Variants in PCDHA6 observed in about 807,000 individuals in gnomAD.
PCDHA6 encodes the protein protocadherin alpha-6.
Under a neutral mutation model 60.3 loss-of-function variants are expected in PCDHA6, and 55 were observed. That is an observed-to-expected ratio of 0.91 (90% CI 0.73 to 1.14). The LOEUF is 1.14. PCDHA6 is among the 50% of genes most tolerant of loss of function. The pLI, the probability that PCDHA6 is intolerant of heterozygous loss-of-function variation, is 0.00. For missense variants in PCDHA6, 1,327 were observed against 1,256.5 expected, an observed-to-expected ratio of 1.06 and a Z score of -0.85; for synonymous variants, 652 against 557.9, an observed-to-expected ratio of 1.17 and a Z score of -2.38.
intron 1 of PCDHA6, chr5:140,884,130 C>T (rs1554181258): frequency 3.1e-6 from 5 of 1,613,434 alleles, no homozygotes; most frequent in Non-Finnish European, 3.4e-6. Flanking sequence ...GCGCGCATCC[C>T]GTTCCGCGTG....
intron 1 of PCDHA6, chr5:140,884,195 C>T: frequency 6.2e-7 from 1 of 1,613,394 alleles, no homozygotes; most frequent in Non-Finnish European, 8.5e-7. Flanking sequence ...GGTGGACGCG[C>T]CGCACCACCG....
At chr5:140,875,903 A>G in intron 1 of PCDHA6, 1 of 1,614,184 alleles carries the variant, frequency 6.2e-7, no homozygotes, top group Non-Finnish European at 8.5e-7. Context: ...CCTGTTTCTG[A>G]ATCTGCGCCT....
chr5:140,877,707 G>A, intron 1 of PCDHA6: 2 of 1,614,062 alleles, frequency 1.2e-6, no homozygotes, highest in Non-Finnish European at 1.7e-6. Flanking sequence ...CCAGCGCCGT[G>A]GGGAGTTGGT....
At chr5:140,848,736 A>G (rs1339313623) in intron 1 of PCDHA6, 1 of 1,592,708 alleles carries the variant, frequency 6.3e-7, no homozygotes. Context: ...AAATCTGCAG[A>G]ATGGCATTTT....
chr5:140,928,550 C>A (rs781857799), intron 1 of PCDHA6: 1 of 1,614,160 alleles, frequency 6.2e-7, no homozygotes, highest in South Asian at 1.1e-5. Flanking sequence ...GACAATTATC[C>A]GGTTATCTTG....
At chr5:140,943,592 T>C (rs900549060) in intron 1 of PCDHA6, among the ~76,000 whole-genome samples, 2 of 152,152 alleles carry the variant, frequency 1.3e-5, no homozygotes, top group African/African-American at 2.4e-5. Flanking sequence ...TGGGGCTGAA[T>C]TCTAAATATA....
At chr5:140,856,942 G>A (rs781940181) in intron 1 of PCDHA6, 5 of 1,593,170 alleles carry the variant, frequency 3.1e-6, no homozygotes, top group Admixed American at 3.4e-5. Context: ...ACGAAAGGAC[G>A]GGAGAAATAA....
At chr5:141,005,527 C>A (rs1448254191) in intron 3 of PCDHA6, among the ~76,000 whole-genome samples, 1 of 151,230 alleles carries the variant, frequency 6.6e-6, no homozygotes, top group Non-Finnish European at 1.5e-5. Context: ...CACGGTGAAA[C>A]CCCGTCTCTA....
intron 1 of PCDHA6, chr5:140,877,387 G>A: frequency 6.2e-7 from 1 of 1,614,010 alleles, no homozygotes; most frequent in Non-Finnish European, 8.5e-7. Flanking sequence ...CATCCTGGAT[G>A]AGGCGGACGC....
rs1399480801 is a variant in PCDHA6, at chr5:140,951,947, C to T, written c.2395-27002C>T. On this transcript the variant is annotated intron_variant, in intron 1 of 3. Transcript: ENST00000529310. ...TTACTCCCAAGATACAGTGCGGGTA[C>T]AGGCATTGGGTAAATACTCCTGTTC... is the stretch of plus-strand genomic sequence containing the variant. 5.3e-5 allele frequency among the ~76,000 whole-genome samples: 8 copies of T among 152,250 alleles called. No individual in the cohort carries two copies. In the East Asian group the frequency reaches 1.5e-3, roughly 29 times the overall value.
intron 1 of PCDHA6, among the ~76,000 whole-genome samples, chr5:140,937,400 T>A (rs1210509586): frequency 6.6e-6 from 1 of 152,224 alleles, no homozygotes; most frequent in Non-Finnish European, 1.5e-5. Flanking sequence ...ATAGGGGTAT[T>A]GCACAACTTT....
intron 3 of PCDHA6, 34 bp from the exon 4 acceptor site, chr5:141,009,593 C>G: frequency 6.2e-7 from 1 of 1,602,020 alleles, no homozygotes; most frequent in South Asian, 1.1e-5. Flanking sequence ...CATGTGTTGA[C>G]CCTGTTAATG....
intron 1 of PCDHA6, chr5:140,967,204 G>T: frequency 3.7e-6 from 6 of 1,613,634 alleles, no homozygotes; most frequent in Non-Finnish European, 5.1e-6. Context: ...ACAACTCACC[G>T]CGTTTCCCGC....
At chr5:140,915,232 C>T (rs1554196813) in intron 1 of PCDHA6, among the ~76,000 whole-genome samples, 1 of 152,156 alleles carries the variant, frequency 6.6e-6, no homozygotes, top group Non-Finnish European at 1.5e-5. Flanking sequence ...CAGGCATGAG[C>T]CACCATGCCT....
At chr5:140,834,318 A>T in intron 1 of PCDHA6, 1 of 1,413,328 alleles carries the variant, frequency 7.1e-7, no homozygotes, top group South Asian at 1.4e-5. Context: ...AAATGAAGGG[A>T]TAAAAACATT....
chr5:140,868,974 C>T (rs2050775096), intron 1 of PCDHA6: 4 of 1,471,768 alleles, frequency 2.7e-6, no homozygotes, highest in South Asian at 1.4e-5. Flanking sequence ...GGAACTCCAT[C>T]ATACCGGATG....
At chr5:140,897,486 A>G (rs183789033) in intron 1 of PCDHA6, among the ~76,000 whole-genome samples, 2 of 151,962 alleles carry the variant, frequency 1.3e-5, no homozygotes, top group Admixed American at 6.5e-5. Flanking sequence ...ATGATTTCCA[A>G]TTTCAACCAT....
chr5:140,870,420 G>A (rs371557347), intron 1 of PCDHA6: 9 of 1,614,234 alleles, frequency 5.6e-6, no homozygotes, highest in Admixed American at 1.7e-5. Context: ...CCACGGCCAG[G>A]GTATCCGTGG....
At chr5:140,834,191 T>A in intron 1 of PCDHA6, 1 of 586,888 alleles carries the variant, frequency 1.7e-6, no homozygotes, top group Non-Finnish European at 3.0e-6. Context: ...ATGATGTCGC[T>A]CTTTACCGCA....
Sources: allele counts gnomAD v4.1 joint callset (sites outside exome capture counted in the v4.1 genomes callset), GRCh38; gene constraint gnomAD v4.1.1; transcripts MANE v1.5; gene names NCBI Gene and HGNC (gene_info 2026-07-23, HGNC 2026-07-21).